The following OVCH2 variants were observed in gnomAD, a reference collection of about 807,000 sequenced individuals.
OVCH2 encodes ovochymase-2.
Under a neutral mutation model 73.7 loss-of-function variants are expected in OVCH2, and 88 were observed. That is an observed-to-expected ratio of 1.19 (90% confidence interval 1.01 to 1.43). OVCH2 has a LOEUF of 1.43. Among genes scored for constraint, OVCH2 ranks in the 40% most tolerant of loss-of-function variants. OVCH2 has a pLI of 0.00. For missense variants in OVCH2, 706 were observed against 674.5 expected, an observed-to-expected ratio of 1.05 and a Z score of -0.52; for synonymous variants, 265 against 234.5, an observed-to-expected ratio of 1.13 and a Z score of -1.19.
In OVCH2 at chr11:7,706,404, C is replaced by T. The variant is rs994381734; in HGVS notation, c.-10G>A. 1.3e-6 allele frequency: 2 copies of T among 1,559,438 alleles called. No individual in the cohort carries two copies. Among genetic ancestry groups the T allele is most frequent in the South Asian group, 1.2e-5 (1 of 83,452 alleles). On this transcript the variant is annotated 5_prime_UTR_variant, in exon 1 of 16. An upstream start codon of the reference 5' UTR is lost. Transcript: ENST00000533663. The stretch of plus-strand genomic sequence containing the variant: ...TCCTGCTTATAAGCATTTTGAGACT[C>T]ATAGTTTTTCCCTGAAATTTTAGAG...
chr11:7,696,640 C>G, intron 9 of OVCH2, 51 bp from the exon 10 acceptor site: 1 of 1,613,924 alleles, frequency 6.2e-7, no homozygotes, highest in African/African-American at 1.3e-5. Context: ...AAACGACTAT[C>G]ACAGTCCAAT....
At chr11:7,696,880 C>G in intron 8 of OVCH2, 81 bp from the exon 9 acceptor site, 1 of 1,266,884 alleles carries the variant, frequency 7.9e-7, no homozygotes, top group Non-Finnish European at 1.1e-6. Flanking sequence ...CTGCAAACAC[C>G]ATAGCCTCCT....
chr11:7,686,617 G>A (rs1417559358), downstream of OVCH2, among the ~76,000 whole-genome samples: 2 of 152,134 alleles, frequency 1.3e-5, no homozygotes, highest in African/African-American at 4.8e-5. Flanking sequence ...TGTCTATACT[G>A]AGCCTGATCC....
chr11:7,691,268 C>T lies in OVCH2; in HGVS notation c.1639+1G>A. ...AAGAGTTGGTAACTCTATCTTCTTA[C>T]CTGCTTTAGGAATGAAGGAGACTGT... is the stretch of plus-strand genomic sequence containing the variant. On this transcript the variant is annotated splice_donor_variant, in intron 14 of 15. Transcript: ENST00000533663. LOFTEE classifies it high-confidence loss of function. The T allele has an allele frequency of 3.7e-6, 6 of 1,607,106 alleles. No homozygotes were observed. Among genetic ancestry groups the T allele is most frequent in the Non-Finnish European group, 5.1e-6 (6 of 1,176,678 alleles).
At chr11:7,684,216 G>A in the OVCH2 span, among the ~76,000 whole-genome samples, 1 of 152,036 alleles carries the variant, frequency 6.6e-6, no homozygotes, top group Non-Finnish European at 1.5e-5. Context: ...GTCAGCAGAA[G>A]TTAGAAGTGG....
the OVCH2 span, among the ~76,000 whole-genome samples, chr11:7,681,333 G>A: frequency 1.1e-4 from 16 of 152,112 alleles, no homozygotes; most frequent in Non-Finnish European, 2.2e-4. Context: ...TAAAGCAATG[G>A]CAATATTTTG....
the OVCH2 span, among the ~76,000 whole-genome samples, chr11:7,681,467 G>A: frequency 6.6e-6 from 1 of 152,190 alleles, no homozygotes; most frequent in Non-Finnish European, 1.5e-5. Context: ...AGAGTCTTGA[G>A]ACACCTGGAG....
At chr11:7,703,119 T>C (rs1825710710) in intron 3 of OVCH2, among the ~76,000 whole-genome samples, 1 of 152,164 alleles carries the variant, frequency 6.6e-6, no homozygotes, top group African/African-American at 2.4e-5. Flanking sequence ...ATCCAGGAAA[T>C]GTTTGCAGAC....
chr11:7,705,064 C>A (rs1408505539), intron 1 of OVCH2, among the ~76,000 whole-genome samples: 2 of 152,194 alleles, frequency 1.3e-5, no homozygotes, highest in Non-Finnish European at 2.9e-5. Context: ...CCTGGTAACT[C>A]AAGGATGGCA....
chr11:7,704,003 G>A (rs1856490646), intron 2 of OVCH2, among the ~76,000 whole-genome samples: 1 of 152,208 alleles, frequency 6.6e-6, no homozygotes, highest in African/African-American at 2.4e-5. Context: ...AATTTGAGAT[G>A]ACTGGCTGTA....
At chr11:7,691,138 G>A in intron 14 of OVCH2, 131 bp downstream of exon 14, 1 of 1,151,670 alleles carries the variant, frequency 8.7e-7, no homozygotes, top group Non-Finnish European at 1.2e-6. Context: ...AGTGTCCATG[G>A]TGACTTGATA....
At chr11:7,683,044 G>C in the OVCH2 span, among the ~76,000 whole-genome samples, 1 of 152,134 alleles carries the variant, frequency 6.6e-6, no homozygotes, top group African/African-American at 2.4e-5. Flanking sequence ...GGAAATGTTG[G>C]AGTGCCCCAG....
At chr11:7,699,910 A>G (rs560098401) in intron 7 of OVCH2, 184 of 160,750 alleles carry the variant, frequency 1.1e-3, no homozygotes, top group African/African-American at 4.2e-3. Flanking sequence ...CCCCTGGTTG[A>G]TAACTACTGA....
rs1403599586 is a variant in OVCH2, at chr11:7,704,601, T to C, written c.162A>G (p.Gly54=). ...NYFNIFSRIL[G]GSQVEKGSYP... ...AGGAACCCTTCTCCACTTGGCTTCC[T>C]CCAAGAATGCGACTGAAAATGTTAA... The change falls in exon 2 of 16, where the codon GGA becomes GGG. Residue 54 remains glycine, a synonymous_variant. Coordinates refer to ENST00000533663, the MANE Select transcript of OVCH2 (RefSeq NM_198185.7). 1 of 1,612,624 alleles carries C rather than the reference T, an allele frequency of 6.2e-7. No homozygotes were observed. The highest frequency in any genetic ancestry group is 1.7e-5 in the Admixed American group (1 of 59,826).
intron 12 of OVCH2, among the ~76,000 whole-genome samples, chr11:7,693,454 G>C (rs1049451423): frequency 6.6e-6 from 1 of 152,172 alleles, no homozygotes; most frequent in Non-Finnish European, 1.5e-5. Context: ...TCTGCAAAAT[G>C]ATGCTGTCAC....
At position 7,690,028 on chromosome 11, in the gene OVCH2, G is replaced by A. The variant is rs1030501553; in HGVS notation, c.1640-15C>T. On this transcript the variant is annotated splice_polypyrimidine_tract_variant and intron_variant, in intron 14 of 15. Coordinates refer to ENST00000533663, the MANE Select transcript of OVCH2 (RefSeq NM_198185.7). ...ATCTGGGTATACTGGGTATAAGTATGATACAATTACTCAGTTTCCACAAAG... is the reference window on the plus strand; with the variant it reads ...ATCTGGGTATACTGGGTATAAGTATAATACAATTACTCAGTTTCCACAAAG... 2.1e-6 allele frequency: 3 copies of A among 1,461,634 alleles called. No homozygotes were observed. Among genetic ancestry groups the A allele is most frequent in the Non-Finnish European group, 2.8e-6 (3 of 1,080,506 alleles). 90.5% of individuals were successfully genotyped at this position (1,461,634 alleles called of 1,614,324 possible). A position where few individuals can be genotyped will look rare whatever the true frequency, so the allele number is the denominator to read the frequency against.
intron 12 of OVCH2, among the ~76,000 whole-genome samples, chr11:7,694,632 G>GTTTTT (rs375600804): frequency 8.7e-6 from 1 of 114,758 alleles, no homozygotes; most frequent in African/African-American, 2.9e-5. Context: ...GTTTTGTTTT[G>GTTTTT]TGTTTTGAGA....
At chr11:7,697,019 CT>C (rs1856349847) in intron 8 of OVCH2, 3 of 495,188 alleles carry the variant, frequency 6.1e-6, no homozygotes, top group Non-Finnish European at 1.1e-5. Flanking sequence ...TTCCTTAACT[CT>C]TCTCTCTCTT....
At chr11:7,687,780 A>G (rs1315443031), downstream of OVCH2, among the ~76,000 whole-genome samples, 2 of 152,078 alleles carry the variant, frequency 1.3e-5, no homozygotes, top group Non-Finnish European at 2.9e-5. Context: ...TTATTTCACA[A>G]AGTTCTGGAG....
Sources: allele counts gnomAD v4.1 joint callset (sites outside exome capture counted in the v4.1 genomes callset), GRCh38; gene constraint gnomAD v4.1.1; transcripts MANE v1.5; gene names NCBI Gene and HGNC (gene_info 2026-07-23, HGNC 2026-07-21).